The following CSMD1 variants were observed in gnomAD, a reference collection of about 807,000 sequenced individuals.
CSMD1 encodes CUB and sushi domain-containing protein 1.
Under a neutral mutation model 417.5 loss-of-function variants are expected in CSMD1, and 213 were observed. The ratio of observed to expected loss-of-function variants is 0.51; its 90% CI spans 0.46 to 0.57. The LOEUF (loss-of-function observed/expected upper bound fraction) is 0.57, where lower values mean the gene tolerates loss of function less well. Ranked by LOEUF, CSMD1 falls within the 20% of genes least tolerant of loss-of-function variation. The pLI is 0.00. For missense variants in CSMD1, 6,923 were observed against 4,529.7 expected (o/e 1.53, Z -15.17); for synonymous variants, 2,862 against 1,736.8 (o/e 1.65, Z -16.11).
intron 1 of CSMD1, among the ~76,000 whole-genome samples, chr8:4,908,843 C>A (rs1170238830): frequency 6.6e-6 from 1 of 152,144 alleles, no homozygotes; most frequent in Admixed American, 6.5e-5. Flanking sequence ...ACTAATCATA[C>A]TCACTTAAAA....
rs192436741 is a variant in CSMD1, at chr8:3,249,601, C to A, written c.4154-19370G>T. Among the ~76,000 whole-genome samples the A allele has an allele frequency of 4.3e-3, 657 of 152,022 alleles. 3 individuals carry two copies. Among genetic ancestry groups the A allele is most frequent in the African/African-American group, 0.014 (597 of 41,468 alleles). ...AAATAAGTTTACAATCGTATAAATA[C>A]ACACACACACATATATACATATAGG... On this transcript the variant is annotated intron_variant, in intron 26 of 69. Coordinates refer to ENST00000635120, the MANE Select transcript of CSMD1 (RefSeq NM_033225.6).
At chr8:3,962,551 G>C (rs1017708593) in intron 5 of CSMD1, among the ~76,000 whole-genome samples, 2 of 152,138 alleles carry the variant, frequency 1.3e-5, no homozygotes, top group African/African-American at 2.4e-5. Context: ...GCAAAGTGTA[G>C]GGGTCATGAT....
rs75582775 is a variant in CSMD1, at chr8:3,921,585, G to A, written c.818+76318C>T. Among the ~76,000 whole-genome samples, 12 of 151,868 alleles carry A rather than the reference G, an allele frequency of 7.9e-5. No individual in the cohort carries two copies. The East Asian group carries it at 1.9e-3, about 25-fold the overall frequency. On this transcript the variant is annotated intron_variant, in intron 5 of 69. Coordinates refer to ENST00000635120, the MANE Select transcript of CSMD1 (RefSeq NM_033225.6). ...TGCTTCATCTATTTTGGTGTGCTTG[G>A]TTTCCATTTTCATTTATTTCCATCT...
At chr8:3,629,758 T>G (rs1487231404) in intron 7 of CSMD1, among the ~76,000 whole-genome samples, 1 of 152,146 alleles carries the variant, frequency 6.6e-6, no homozygotes, top group Non-Finnish European at 1.5e-5. Flanking sequence ...AACACACACC[T>G]TTCATTTCAA....
chr8:4,761,894 C>CTACCTATCTATCAAT (rs1563319426), intron 1 of CSMD1, among the ~76,000 whole-genome samples: 22 of 83,740 alleles, frequency 2.6e-4, no homozygotes, highest in African/African-American at 7.2e-4. Context: ...TATCTACCTA[C>CTACCTATCTATCAAT]CTATCTATCT....
At chr8:4,195,867 A>G (rs1021173122) in intron 3 of CSMD1, among the ~76,000 whole-genome samples, 1 of 152,158 alleles carries the variant, frequency 6.6e-6, no homozygotes. Context: ...ATAGCATGCG[A>G]GACTTACGGC....
intron 1 of CSMD1, among the ~76,000 whole-genome samples, chr8:4,740,137 C>T (rs539579672): frequency 4.6e-5 from 7 of 152,018 alleles, no homozygotes; most frequent in Non-Finnish European, 8.8e-5. Context: ...TAATTCCCTC[C>T]CTGCAGGGAT....
At chr8:4,185,963 T>A (rs149004012) in intron 3 of CSMD1, among the ~76,000 whole-genome samples, 28 of 152,288 alleles carry the variant, frequency 1.8e-4, no homozygotes, top group African/African-American at 6.5e-4. Context: ...TACGGTGGAA[T>A]ACAGAAATCA....
chr8:3,668,171 G>C (rs1339999685), intron 7 of CSMD1, among the ~76,000 whole-genome samples: 1 of 152,102 alleles, frequency 6.6e-6, no homozygotes, highest in Admixed American at 6.6e-5. Flanking sequence ...CAGAGGGGCT[G>C]ACCTCTGAGA....
chr8:4,202,177 G>C (rs535296410), intron 3 of CSMD1, among the ~76,000 whole-genome samples: 1 of 152,118 alleles, frequency 6.6e-6, no homozygotes, highest in South Asian at 2.1e-4. Flanking sequence ...AGCTGTGTTA[G>C]TATTATTACT....
At chr8:3,129,852 G>A (rs1253629302) in intron 41 of CSMD1, among the ~76,000 whole-genome samples, 2 of 152,042 alleles carry the variant, frequency 1.3e-5, no homozygotes, top group African/African-American at 4.8e-5. Context: ...AGCCGGGCAT[G>A]TTGACACACA....
At chr8:4,261,253 A>G (rs1325488373) in intron 3 of CSMD1, among the ~76,000 whole-genome samples, 1 of 152,222 alleles carries the variant, frequency 6.6e-6, no homozygotes, top group Admixed American at 6.5e-5. Flanking sequence ...AGACTCAAAA[A>G]GAACGCCTGT....
intron 3 of CSMD1, among the ~76,000 whole-genome samples, chr8:4,268,667 T>A (rs902598139): frequency 3.7e-4 from 57 of 152,108 alleles, no homozygotes; most frequent in African/African-American, 1.3e-3. Context: ...TCCAAGTACA[T>A]ACAAAATAAG....
intron 1 of CSMD1, among the ~76,000 whole-genome samples, chr8:4,725,913 G>C (rs79103394): frequency 3.3e-5 from 5 of 151,970 alleles, no homozygotes; most frequent in Admixed American, 2.6e-4. Flanking sequence ...TTCCAGGGGG[G>C]GTTACTTTGA....
At chr8:4,041,419 A>G (rs1224649158) in intron 3 of CSMD1, among the ~76,000 whole-genome samples, 1 of 152,198 alleles carries the variant, frequency 6.6e-6, no homozygotes, top group Non-Finnish European at 1.5e-5. Context: ...CTACTACGAA[A>G]AAAGCAACTT....
In CSMD1 at chr8:3,481,329, G is replaced by C. The variant is rs576690732; in HGVS notation, c.1448+12294C>G. Among the ~76,000 whole-genome samples the C allele has an allele frequency of 3.1e-4, 47 of 152,150 alleles. 1 individual carries two copies. The highest frequency in any genetic ancestry group is 1.1e-3 in the African/African-American group (47 of 41,506). On this transcript the variant is annotated intron_variant, in intron 11 of 69. Transcript: ENST00000635120. ...TATACAATATAAACTGGACTATTTT[G>C]CTTACCATGAGTTCCATAAATCTTA...
chr8:4,749,873 T>C (rs984771528), intron 1 of CSMD1, among the ~76,000 whole-genome samples: 2 of 152,026 alleles, frequency 1.3e-5, no homozygotes, highest in African/African-American at 4.8e-5. Flanking sequence ...AAAAGAGAAA[T>C]GCAACTTCAA....
intron 7 of CSMD1, among the ~76,000 whole-genome samples, chr8:3,674,293 C>G (rs560108891): frequency 3.1e-4 from 47 of 152,200 alleles, no homozygotes; most frequent in African/African-American, 1.1e-3. Context: ...ATTAATAAAT[C>G]ACCCAAAATA....
At chr8:3,730,805 G>A (rs1307687409) in intron 6 of CSMD1, among the ~76,000 whole-genome samples, 2 of 152,092 alleles carry the variant, frequency 1.3e-5, no homozygotes, top group South Asian at 2.1e-4. Flanking sequence ...ATTTTGACAT[G>A]TTCAAAAACA....
Sources: allele counts gnomAD v4.1 joint callset (sites outside exome capture counted in the v4.1 genomes callset), GRCh38; gene constraint gnomAD v4.1.1; transcripts MANE v1.5; gene names NCBI Gene and HGNC (gene_info 2026-07-23, HGNC 2026-07-21).